The following LEPROTL1 variants were observed in gnomAD, a reference collection of about 807,000 sequenced individuals.
LEPROTL1 encodes the protein leptin receptor overlapping transcript-like 1.
LEPROTL1 carries 6 observed loss-of-function variants against 15.4 expected under a neutral mutation model. The observed-to-expected ratio is 0.39, with a 90% CI of 0.21 to 0.77. The LOEUF is 0.77. Among genes scored for constraint, LEPROTL1 ranks in the 30% least tolerant of loss-of-function variants. The pLI is 0.41. For synonymous variants in LEPROTL1, 56 were observed against 52.6 expected (o/e 1.06, Z -0.28); for missense variants, 128 against 158.1 (o/e 0.81, Z 1.02).
At chr8:30,100,927 T>C (rs537112231) in intron 1 of LEPROTL1, among the ~76,000 whole-genome samples, 48 of 152,274 alleles carry the variant, frequency 3.2e-4, no homozygotes, top group African/African-American at 1.0e-3. Flanking sequence ...CATCTATTGC[T>C]TATAATAACA....
chr8:30,118,173 C>T (rs948286372), intron 3 of LEPROTL1, among the ~76,000 whole-genome samples: 9 of 151,650 alleles, frequency 5.9e-5, no homozygotes, highest in African/African-American at 1.9e-4. Flanking sequence ...TACAGGCACC[C>T]GCCACCACAC....
rs1410804072 is a variant in LEPROTL1 at position 30,095,871 on chromosome 8, T to G, written c.16+343T>G. 5 of 700,140 alleles carry G rather than the reference T, an allele frequency of 7.1e-6. No homozygotes were observed. In the Admixed American group the frequency reaches 1.0e-4, roughly 14 times the overall value. The allele number at this position is 700,140 out of a possible 1,614,324, so 43.4% of individuals were successfully genotyped here. A position where few individuals can be genotyped will look rare whatever the true frequency, so the allele number is the denominator to read the frequency against. On this transcript the variant is annotated intron_variant, in intron 1 of 3. Transcript: ENST00000321250. ...GACGGCCACACACGTTTTGCAGGAGTTTGCATCCGAGAGAGAGGCAGGCAG... is the reference window on the plus strand; with the variant it reads ...GACGGCCACACACGTTTTGCAGGAGGTTGCATCCGAGAGAGAGGCAGGCAG...
rs145757853 is a variant in LEPROTL1 at position 30,132,627 on chromosome 8, C to A, written c.394+138C>A. ...ATTCTAGTCCAAGAATCTGCAGACC[C>A]CTCCAGCTCAGAGCCCAGAAAGAGT... On this transcript the variant is annotated intron_variant, in intron 4 of 4. Coordinates refer to the LEPROTL1 transcript ENST00000442880. 58 of 1,551,678 alleles carry A rather than the reference C, an allele frequency of 3.7e-5. No individual in the cohort carries two copies. The African/African-American group carries it at 5.7e-4, about 15-fold the overall frequency.
At chr8:30,114,174 C>T (rs1341506114) in intron 3 of LEPROTL1, among the ~76,000 whole-genome samples, 4 of 152,110 alleles carry the variant, frequency 2.6e-5, no homozygotes, top group Admixed American at 2.6e-4. Context: ...ATTCTCCTTC[C>T]TTTAACACTC....
chr8:30,127,491 AC>A (rs1802921793), intron 3 of LEPROTL1, among the ~76,000 whole-genome samples: 1 of 152,104 alleles, frequency 6.6e-6, no homozygotes, highest in Admixed American at 6.6e-5. Flanking sequence ...TGCCTGCAAG[AC>A]AGAGACAGCT....
intron 4 of LEPROTL1, among the ~76,000 whole-genome samples, chr8:30,133,808 A>G (rs778792049): frequency 2.0e-5 from 3 of 150,986 alleles, no homozygotes; most frequent in Admixed American, 1.3e-4. Context: ...AAAAAAAAGA[A>G]AGAGAAAAGA....
intron 2 of LEPROTL1, among the ~76,000 whole-genome samples, chr8:30,102,994 A>G (rs1227443539): frequency 2.0e-5 from 3 of 152,080 alleles, no homozygotes; most frequent in Non-Finnish European, 4.4e-5. Context: ...ATACAAACCC[A>G]CTTGCAGATG....
At chr8:30,116,906 G>A (rs1802749793) in intron 3 of LEPROTL1, among the ~76,000 whole-genome samples, 2 of 152,140 alleles carry the variant, frequency 1.3e-5, no homozygotes, top group Middle Eastern at 3.4e-3. Flanking sequence ...TCACCCTGTG[G>A]GATCTGATAC....
Position 30,095,488 on chromosome 8 carries a change from T to C in LEPROTL1, c.-25T>C, listed in dbSNP as rs1299084516. On this transcript the variant is annotated 5_prime_UTR_variant, in exon 1 of 4. Coordinates refer to ENST00000321250, the MANE Select transcript of LEPROTL1 (RefSeq NM_015344.3). ...CTGCTGCCGCCGCCGCCTCGGGTCG[T>C]GGAGCCAGGAGCGACGTCACCGCCA... is the stretch of plus-strand genomic sequence containing the variant. The C allele has an allele frequency of 6.8e-7, 1 of 1,462,234 alleles. No homozygotes were observed. The highest frequency in any genetic ancestry group is 2.5e-5 in the Admixed American group (1 of 39,902). The allele number at this position is 1,462,234 out of a possible 1,614,324, so 90.6% of individuals were successfully genotyped here. A position where few individuals can be genotyped will look rare whatever the true frequency, so the allele number is the denominator to read the frequency against.
At chr8:30,137,672 A>G (rs1750092251) in exon 5 of LEPROTL1, 2 of 607,944 alleles carry the variant, frequency 3.3e-6, no homozygotes. Flanking sequence ...CTAACCTCCA[A>G]GCTGTCCTTG....
intron 3 of LEPROTL1, among the ~76,000 whole-genome samples, chr8:30,130,636 T>C (rs1802989454): frequency 6.6e-6 from 1 of 152,178 alleles, no homozygotes; most frequent in Non-Finnish European, 1.5e-5. Flanking sequence ...ATTGATCTCT[T>C]TGTAAGACAT....
intron 3 of LEPROTL1, among the ~76,000 whole-genome samples, chr8:30,116,003 G>A (rs1802736288): frequency 6.6e-6 from 1 of 152,102 alleles, no homozygotes. Flanking sequence ...TATATTGGGA[G>A]GCCAAGCTGG....
chr8:30,102,048 T>A (rs1802475034), intron 2 of LEPROTL1, 75 bp downstream of exon 2: 2 of 854,012 alleles, frequency 2.3e-6, no homozygotes, highest in African/African-American at 1.7e-5. Flanking sequence ...AAAATGTTTT[T>A]TTACTACTGT....
At position 30,095,495 on chromosome 8, in the gene LEPROTL1, A is replaced by T. The variant is rs1317819475; in HGVS notation, c.-18A>T. On this transcript the variant is annotated 5_prime_UTR_variant, in exon 1 of 4. Transcript: ENST00000321250. ...CGCCGCCGCCTCGGGTCGTGGAGCCAGGAGCGACGTCACCGCCATGGCAGG... is the reference window on the plus strand; with the variant it reads ...CGCCGCCGCCTCGGGTCGTGGAGCCTGGAGCGACGTCACCGCCATGGCAGG... 1.1e-5 allele frequency: 16 copies of T among 1,461,090 alleles called. No individual in the cohort carries two copies. Among genetic ancestry groups the T allele is most frequent in the Non-Finnish European group, 1.4e-5 (15 of 1,110,460 alleles). 90.5% of individuals were successfully genotyped at this position (1,461,090 alleles called of 1,614,324 possible). A position where few individuals can be genotyped will look rare whatever the true frequency, so the allele number is the denominator to read the frequency against.
At position 30,106,836 on chromosome 8, in the gene LEPROTL1, C is replaced by T. The variant is rs2117489191; in HGVS notation, c.*974C>T. ...ACCTTCCTCTGCTTCCTCCTTTTGA[C>T]TTATTTGGTATGTTGTATATATTAC... On this transcript the variant is annotated 3_prime_UTR_variant, in exon 4 of 4. Transcript: ENST00000321250. The T allele has an allele frequency of 1.0e-6, 1 of 984,528 alleles. No homozygotes were observed. The highest frequency in any genetic ancestry group is 1.1e-4 in the East Asian group (1 of 8,810). 61.0% of individuals were successfully genotyped at this position (984,528 alleles called of 1,614,324 possible).
At chr8:30,117,317 GTTTCTT>G (rs1289709376) in intron 3 of LEPROTL1, 4 of 679,552 alleles carry the variant, frequency 5.9e-6, no homozygotes, top group African/African-American at 2.9e-5. Flanking sequence ...GTGAGACCCT[GTTTCTT>G]TTTTTTTTTT....
chr8:30,111,775 T>C (rs1802655515), downstream of LEPROTL1, among the ~76,000 whole-genome samples: 1 of 152,158 alleles, frequency 6.6e-6, no homozygotes, highest in Admixed American at 6.5e-5. Flanking sequence ...TGGTTTTCTG[T>C]TGCTCTGGTG....
intron 3 of LEPROTL1, among the ~76,000 whole-genome samples, chr8:30,126,208 G>A (rs576350633): frequency 6.6e-6 from 1 of 152,280 alleles, no homozygotes; most frequent in African/African-American, 2.4e-5. Context: ...CTGGGAGTCA[G>A]AGACCCCTAG....
At chr8:30,110,809 C>T (rs533713559), downstream of LEPROTL1, among the ~76,000 whole-genome samples, 1 of 152,218 alleles carries the variant, frequency 6.6e-6, no homozygotes, top group Middle Eastern at 3.4e-3. Context: ...CCATAGAAAC[C>T]AGCCAATAGA....
Sources: allele counts gnomAD v4.1 joint callset (sites outside exome capture counted in the v4.1 genomes callset), GRCh38; gene constraint gnomAD v4.1.1; transcripts MANE v1.5; gene names NCBI Gene and HGNC (gene_info 2026-07-23, HGNC 2026-07-21).